The following NRG1 variants were observed in gnomAD, a reference collection of about 807,000 sequenced individuals.
The protein encoded by NRG1 is neuregulin 1, also known as pro-neuregulin-1, membrane-bound isoform.
In NRG1, 18 loss-of-function variants were observed where a neutral mutation model predicts 63.8. That is an observed-to-expected ratio of 0.28 (90% confidence interval 0.19 to 0.42). The LOEUF (loss-of-function observed/expected upper bound fraction) is 0.42. Among genes scored for constraint, NRG1 ranks in the 10% least tolerant of loss-of-function variants. The pLI is 1.00. For missense variants in NRG1, 762 were observed against 814.7 expected, an observed-to-expected ratio of 0.94 and a Z score of 0.79; for synonymous variants, 302 against 301.3, an observed-to-expected ratio of 1.00 and a Z score of -0.02.
chr8:31,790,554 T>G (rs755740473), intron 1 of NRG1, among the ~76,000 whole-genome samples: 4 of 152,194 alleles, frequency 2.6e-5, no homozygotes, highest in African/African-American at 7.2e-5. Context: ...AAGAATACAT[T>G]TATTGGTTTA....
Position 32,356,306 on chromosome 8 carries a change from G to A in NRG1, c.38-239522G>A, listed in dbSNP as rs368321434. Among the ~76,000 whole-genome samples the A allele has an allele frequency of 7.9e-5, 12 of 152,282 alleles. No homozygotes were observed. In the East Asian group the frequency reaches 9.7e-4, roughly 12 times the overall value. On this transcript the variant is annotated intron_variant, in intron 1 of 10. Coordinates refer to the NRG1 transcript ENST00000519301. ...TACAAGGGGTAATTAGACATCGACT[G>A]TGTAGTCAACATTATGATCAGGCTA...
At chr8:32,512,217 C>T (rs565795639) in intron 1 of NRG1, among the ~76,000 whole-genome samples, 15 of 152,210 alleles carry the variant, frequency 9.9e-5, no homozygotes, top group African/African-American at 2.4e-4. Context: ...CTAATACAGA[C>T]GTACATATTT....
At chr8:31,996,858 A>G (rs1395048643) in intron 1 of NRG1, among the ~76,000 whole-genome samples, 1 of 151,858 alleles carries the variant, frequency 6.6e-6, no homozygotes, top group African/African-American at 2.4e-5. Flanking sequence ...TGTAAAAAGG[A>G]CCTGTGAAAG....
At chr8:32,541,637 A>G (rs1308224225) in intron 1 of NRG1, among the ~76,000 whole-genome samples, 1 of 152,186 alleles carries the variant, frequency 6.6e-6, no homozygotes, top group African/African-American at 2.4e-5. Context: ...GAATCTTTCA[A>G]AATAACAAAG....
At chr8:32,447,900 T>G (rs1820473386) in intron 1 of NRG1, among the ~76,000 whole-genome samples, 1 of 151,822 alleles carries the variant, frequency 6.6e-6, no homozygotes. Flanking sequence ...ACGGATTGCA[T>G]GGTAAAAGGA....
intron 1 of NRG1, among the ~76,000 whole-genome samples, chr8:32,425,146 T>G (rs1407147774): frequency 1.3e-5 from 2 of 152,142 alleles, no homozygotes; most frequent in Non-Finnish European, 2.9e-5. Flanking sequence ...GGAGGCCAAA[T>G]AGAATGATAC....
At chr8:32,349,107 C>G (rs1805268450) in intron 1 of NRG1, among the ~76,000 whole-genome samples, 1 of 152,182 alleles carries the variant, frequency 6.6e-6, no homozygotes, top group Non-Finnish European at 1.5e-5. Flanking sequence ...TGAAAAATAG[C>G]TATTGGCTCA....
At chr8:32,249,395 G>T (rs1014105854) in intron 1 of NRG1, among the ~76,000 whole-genome samples, 3 of 152,110 alleles carry the variant, frequency 2.0e-5, no homozygotes, top group Admixed American at 2.0e-4. Flanking sequence ...TGGGTCAAGA[G>T]TGGACACAGA....
chr8:31,829,214 T>A (rs760288191), intron 1 of NRG1, among the ~76,000 whole-genome samples: 1 of 152,234 alleles, frequency 6.6e-6, no homozygotes, highest in Non-Finnish European at 1.5e-5. Flanking sequence ...ACTGCTTCTT[T>A]CATGTAGATG....
chr8:32,477,168 C>T (rs565605815), intron 1 of NRG1, among the ~76,000 whole-genome samples: 2 of 151,964 alleles, frequency 1.3e-5, no homozygotes, highest in Non-Finnish European at 2.9e-5. Context: ...TGTGCCTTTC[C>T]GAAGTTTCCT....
At chr8:31,883,494 T>C (rs889894583) in intron 1 of NRG1, among the ~76,000 whole-genome samples, 25 of 152,138 alleles carry the variant, frequency 1.6e-4, no homozygotes, top group African/African-American at 5.8e-4. Context: ...GTGTAATGTG[T>C]GACAAATCCA....
At chr8:31,778,555 A>T (rs187465662) in intron 1 of NRG1, among the ~76,000 whole-genome samples, 6 of 152,302 alleles carry the variant, frequency 3.9e-5, no homozygotes, top group Non-Finnish European at 8.8e-5. Flanking sequence ...AATGCTTAAT[A>T]AATGCTGGTA....
chr8:32,676,071 G>T (rs910720155), intron 5 of NRG1, among the ~76,000 whole-genome samples: 5 of 152,162 alleles, frequency 3.3e-5, no homozygotes, highest in African/African-American at 1.2e-4. Flanking sequence ...AGCAATTATT[G>T]TTATTTTAAT....
intron 1 of NRG1, among the ~76,000 whole-genome samples, chr8:31,982,449 A>G (rs1343946350): frequency 6.6e-6 from 1 of 152,096 alleles, no homozygotes; most frequent in Non-Finnish European, 1.5e-5. Context: ...TGAGGAACCC[A>G]GAAGATAGTG....
At chr8:32,227,363 A>G (rs182372291) in intron 1 of NRG1, among the ~76,000 whole-genome samples, 1 of 152,336 alleles carries the variant, frequency 6.6e-6, no homozygotes, top group Non-Finnish European at 1.5e-5. Flanking sequence ...ATTCCAATTA[A>G]GTGAGGTAAA....
At chr8:32,160,109 C>A (rs954382881) in intron 1 of NRG1, among the ~76,000 whole-genome samples, 2 of 152,070 alleles carry the variant, frequency 1.3e-5, no homozygotes, top group South Asian at 4.2e-4. Flanking sequence ...AAGGATGGGG[C>A]AGGTTACTTC....
chr8:32,437,911 T>A (rs1018793285), intron 1 of NRG1, among the ~76,000 whole-genome samples: 1 of 152,214 alleles, frequency 6.6e-6, no homozygotes, highest in Non-Finnish European at 1.5e-5. Flanking sequence ...ATTATGTTGT[T>A]TGTGGAAACC....
At chr8:32,134,811 G>C (rs1835295392) in intron 1 of NRG1, among the ~76,000 whole-genome samples, 1 of 152,124 alleles carries the variant, frequency 6.6e-6, no homozygotes. Flanking sequence ...GAGCCCAGGA[G>C]TTCCAGGATA....
At chr8:32,291,893 G>T (rs1854245609) in intron 1 of NRG1, among the ~76,000 whole-genome samples, 1 of 152,200 alleles carries the variant, frequency 6.6e-6, no homozygotes, top group Non-Finnish European at 1.5e-5. Flanking sequence ...ACTAGAAAAT[G>T]AGCATATATG....
Sources: allele counts gnomAD v4.1 joint callset (sites outside exome capture counted in the v4.1 genomes callset), GRCh38; gene constraint gnomAD v4.1.1; transcripts MANE v1.5; gene names NCBI Gene and HGNC (gene_info 2026-07-23, HGNC 2026-07-21).